Variants in ASH1L observed in about 807,000 individuals in gnomAD.
ASH1L encodes the protein ASH1 like histone lysine methyltransferase.
A neutral mutation model predicts 269.0 loss-of-function variants in ASH1L; 23 were observed. The observed-to-expected ratio is 0.09, with a 90% CI of 0.06 to 0.12. ASH1L has a LOEUF of 0.12. Among genes scored for constraint, ASH1L ranks in the 10% least tolerant of loss-of-function variants. The pLI is 1.00. For missense variants in ASH1L, 2,912 were observed against 3,567.8 expected, an observed-to-expected ratio of 0.82 and a Z score of 4.68; for synonymous variants, 1,187 against 1,253.5, an observed-to-expected ratio of 0.95 and a Z score of 1.12.
chr1:155,416,411 C>G (rs1363928646), intron 5 of ASH1L, among the ~76,000 whole-genome samples: 1 of 152,114 alleles, frequency 6.6e-6, no homozygotes, highest in Non-Finnish European at 1.5e-5. Flanking sequence ...AGCCACCGTG[C>G]CCGGCATGAG....
upstream of ASH1L, chr1:155,563,127 T>G (rs1672167881): frequency 4.4e-6 from 2 of 456,110 alleles, no homozygotes; most frequent in Non-Finnish European, 8.8e-6. Flanking sequence ...CTCCTCCTCC[T>G]CCGCCGGATC....
At chr1:155,532,490 G>A (rs1453319123) in intron 1 of ASH1L, among the ~76,000 whole-genome samples, 1 of 152,108 alleles carries the variant, frequency 6.6e-6, no homozygotes, top group African/African-American at 2.4e-5. Context: ...GTAACAAACA[G>A]TGGATCTGAT....
At chr1:155,543,802 T>A (rs1030047407) in intron 1 of ASH1L, among the ~76,000 whole-genome samples, 1 of 151,742 alleles carries the variant, frequency 6.6e-6, no homozygotes, top group Admixed American at 6.6e-5. Flanking sequence ...CCTGGTGATA[T>A]GCACCTGTAG....
chr1:155,515,750 C>T (rs1668457730), intron 2 of ASH1L, among the ~76,000 whole-genome samples: 2 of 150,790 alleles, frequency 1.3e-5, no homozygotes, highest in Admixed American at 1.3e-4. Flanking sequence ...ATTGCCTTAA[C>T]CCAGGAGGCG....
chr1:155,425,338 C>T (rs374207681), intron 5 of ASH1L, among the ~76,000 whole-genome samples: 7 of 143,204 alleles, frequency 4.9e-5, no homozygotes, highest in Non-Finnish European at 9.0e-5. Flanking sequence ...AGTGCAGTGG[C>T]GCGATCTCGG....
At chr1:155,444,477 ATGT>A (rs1366385670) in intron 4 of ASH1L, among the ~76,000 whole-genome samples, 2 of 152,062 alleles carry the variant, frequency 1.3e-5, no homozygotes, top group African/African-American at 2.4e-5. Flanking sequence ...CATTTCCCTG[ATGT>A]TGAGCATATT....
chr1:155,439,525 A>T (rs1465502852), intron 4 of ASH1L, among the ~76,000 whole-genome samples: 1 of 151,954 alleles, frequency 6.6e-6, no homozygotes, highest in Non-Finnish European at 1.5e-5. Context: ...TAGCAAGAAG[A>T]TGTCTCTACA....
intron 7 of ASH1L, among the ~76,000 whole-genome samples, chr1:155,383,970 C>A (rs1657198753): frequency 6.6e-6 from 1 of 152,082 alleles, no homozygotes; most frequent in African/African-American, 2.4e-5. Context: ...TGTAATATAT[C>A]AAAAACTATA....
At chr1:155,507,009 G>A (rs909152011) in intron 2 of ASH1L, among the ~76,000 whole-genome samples, 24 of 151,754 alleles carry the variant, frequency 1.6e-4, no homozygotes, top group African/African-American at 5.1e-4. Context: ...TAGGCCAGGC[G>A]CAGTGGCTCA....
At chr1:155,427,913 C>G (rs1360330393) in intron 5 of ASH1L, among the ~76,000 whole-genome samples, 3 of 152,264 alleles carry the variant, frequency 2.0e-5, no homozygotes, top group East Asian at 1.9e-4. Context: ...CTGTTGAGAT[C>G]TGGTGCTTTA....
chr1:155,547,125 G>A lies in ASH1L; in HGVS notation c.-100+15028C>T, dbSNP rs552330947. Reference sequence around the variant, plus strand: ...GTGCTACCATGCCCAGCTAATTTTTGTATTTTTAGTAGAGACAGGGTTTTA... The same window carrying A: ...GTGCTACCATGCCCAGCTAATTTTTATATTTTTAGTAGAGACAGGGTTTTA... On this transcript the variant is annotated intron_variant, in intron 1 of 27. Transcript: ENST00000392403. Among the ~76,000 whole-genome samples, 33 of 150,842 alleles carry A rather than the reference G, an allele frequency of 2.2e-4. No homozygotes were observed. In the South Asian group the frequency reaches 4.8e-3, roughly 22 times the overall value.
At chr1:155,539,455 A>G (rs1292556958) in intron 1 of ASH1L, among the ~76,000 whole-genome samples, 1 of 151,212 alleles carries the variant, frequency 6.6e-6, no homozygotes, top group African/African-American at 2.4e-5. Flanking sequence ...ATATATATAT[A>G]TATTTTGTTC....
At chr1:155,533,951 A>AG (rs1350811544) in intron 1 of ASH1L, among the ~76,000 whole-genome samples, 4 of 152,064 alleles carry the variant, frequency 2.6e-5, no homozygotes, top group South Asian at 2.1e-4. Flanking sequence ...TGTTTTGAGA[A>AG]TTGTGACACA....
rs368800129 is a variant in ASH1L, at chr1:155,411,586, AATATATATATATAT to A, written c.6008+4144_6008+4157del. 2.4e-3 allele frequency among the ~76,000 whole-genome samples: 131 copies of A among 55,190 alleles called. 5 individuals carry two copies. The highest frequency in any genetic ancestry group is 8.4e-3 in the African/African-American group (106 of 12,674). 36.2% of individuals were successfully genotyped at this position (55,190 alleles called of 152,430 possible). A position where few individuals can be genotyped will look rare whatever the true frequency, so the allele number is the denominator to read the frequency against. ...AAATATGAATATAAATAAATAAATA[AATATATATATATAT>A]ATATATATATATATATATGTTTTCA... is the stretch of plus-strand genomic sequence containing the variant. On this transcript the variant is annotated intron_variant, in intron 6 of 27. Coordinates refer to ENST00000392403, the MANE Select transcript of ASH1L (RefSeq NM_018489.3).
chr1:155,426,493 G>A (rs1236178885), intron 5 of ASH1L, among the ~76,000 whole-genome samples: 2 of 152,028 alleles, frequency 1.3e-5, no homozygotes, highest in Non-Finnish European at 2.9e-5. Flanking sequence ...GAGACACCGC[G>A]CCTGGCCCAT....
rs760857394 is a variant in ASH1L at position 155,338,179 on chromosome 1, T to C, written c.8713A>G (p.Thr2905Ala). ...TGCCGTCGTTCCTCAGGGGTACAGGTTGACTGGGGTTCTTGACTACTTTCC... is the reference window on the plus strand; with the variant it reads ...TGCCGTCGTTCCTCAGGGGTACAGGCTGACTGGGGTTCTTGACTACTTTCC... ...TEESSQEPQSTCTPEERRHNQ... is the reference protein window; with the variant it reads ...TEESSQEPQSACTPEERRHNQ... The change falls in exon 27 of 28, where the codon ACC becomes GCC. Residue 2905 changes from threonine to alanine, a missense_variant. Around this residue, in one of 13 missense-constraint regions of ASH1L, gnomAD observed 154 missense variants for 165.0 expected, o/e 0.93. Transcript: ENST00000392403. 8 of 1,613,992 alleles carry C rather than the reference T, an allele frequency of 5.0e-6. No homozygotes were observed. Among genetic ancestry groups the C allele is most frequent in the East Asian group, 2.2e-5 (1 of 44,894 alleles).
intron 10 of ASH1L, among the ~76,000 whole-genome samples, chr1:155,375,942 T>C (rs1656398823): frequency 1.3e-5 from 2 of 152,008 alleles, no homozygotes; most frequent in Admixed American, 6.6e-5. Context: ...TAAAAATAAA[T>C]AAAATAAATA....
intron 7 of ASH1L, among the ~76,000 whole-genome samples, chr1:155,389,703 C>G (rs948379215): frequency 2.6e-5 from 4 of 152,042 alleles, no homozygotes; most frequent in Non-Finnish European, 4.4e-5. Flanking sequence ...ACAAAACACA[C>G]ATCTATATGC....
chr1:155,356,935 A>T (rs996690854), intron 15 of ASH1L, among the ~76,000 whole-genome samples: 3 of 64,070 alleles, frequency 4.7e-5, no homozygotes, highest in South Asian at 9.6e-4. Context: ...CAAAAAATTT[A>T]AAAAAAAAAA....
Sources: allele counts gnomAD v4.1 joint callset (sites outside exome capture counted in the v4.1 genomes callset), GRCh38; gene constraint gnomAD v4.1.1; regional missense constraint gnomAD v4.1.1; transcripts MANE v1.5; gene names NCBI Gene and HGNC (gene_info 2026-07-23, HGNC 2026-07-21).